Variants in SPANXN4 observed in about 807,000 individuals in gnomAD.
The protein encoded by SPANXN4 is SPANX family member N4, also known as sperm protein associated with the nucleus on the X chromosome N4.
A neutral mutation model predicts 6.0 loss-of-function variants in SPANXN4; 5 were observed. The ratio of observed to expected loss-of-function variants is 0.83; its 90% CI spans 0.44 to 1.75. SPANXN4 has a LOEUF of 1.75. Among genes scored for constraint, SPANXN4 ranks in the 40% most tolerant of loss-of-function variants. SPANXN4 has a pLI of 0.02. For missense variants in SPANXN4, 157 were observed against 108.6 expected (o/e 1.45, Z -1.98); for synonymous variants, 45 against 38.0 (o/e 1.19, Z -0.68).
intron 1 of SPANXN4, among the ~76,000 whole-genome samples, chrX:143,033,228 G>T (rs989749316): frequency 9.0e-6 from 1 of 110,950 alleles, no homozygotes; most frequent in African/African-American, 3.3e-5. Flanking sequence ...GTCAGCCCAG[G>T]ACTGGAGAAA....
intron 1 of SPANXN4, among the ~76,000 whole-genome samples, chrX:143,032,199 G>A (rs2124367512): frequency 1.2e-5 from 1 of 84,225 alleles, no homozygotes; most frequent in African/African-American, 4.0e-5. Context: ...AAAGAGATGG[G>A]ATCCTTGGAT....
intron 2 of SPANXN4, chrX:143,034,298 G>A: frequency 9.1e-7 from 1 of 1,100,644 alleles, no homozygotes. Flanking sequence ...AATAAAATCA[G>A]TTTGAGGAGC....
chrX:143,028,483 G>A (rs1328569992), intron 1 of SPANXN4, among the ~76,000 whole-genome samples: 1 of 110,916 alleles, frequency 9.0e-6, no homozygotes, highest in African/African-American at 3.3e-5. Context: ...GATTAGGGGA[G>A]GTAAGGAATA....
At chrX:143,037,820 C>T (rs777266063), downstream of SPANXN4, among the ~76,000 whole-genome samples, 349 of 111,321 alleles carry the variant, frequency 3.1e-3, 1 homozygote, top group African/African-American at 0.011. Context: ...CTCCTGCATT[C>T]GTTCTCCTTT....
chrX:143,026,152 G>A (rs751525942), intron 1 of SPANXN4, 60 bp downstream of exon 1: 130 of 1,049,863 alleles, frequency 1.2e-4, no homozygotes, highest in Non-Finnish European at 1.5e-4. Context: ...CAGATAGGGC[G>A]CGGGTCAAAC....
intron 2 of SPANXN4, chrX:143,034,251 A>G (rs200969674): frequency 1.7e-6 from 2 of 1,155,341 alleles, no homozygotes; most frequent in Non-Finnish European, 2.3e-6. Flanking sequence ...AATTAGTCCA[A>G]ATTGGACAAA....
chrX:143,032,088 T>G (rs1020161889), intron 1 of SPANXN4, among the ~76,000 whole-genome samples: 4 of 112,108 alleles, frequency 3.6e-5, no homozygotes, highest in Admixed American at 2.8e-4. Flanking sequence ...GCCATCCAGA[T>G]GCATTCCCTG....
At chrX:143,030,359 A>G (rs1932803075) in intron 1 of SPANXN4, among the ~76,000 whole-genome samples, 1 of 111,110 alleles carries the variant, frequency 9.0e-6, no homozygotes, top group Admixed American at 9.5e-5. Context: ...GACATCCTCA[A>G]TTATGGAGGA....
At chrX:143,034,880 A>G (rs1488547675), downstream of SPANXN4, among the ~76,000 whole-genome samples, 1 of 110,607 alleles carries the variant, frequency 9.0e-6, no homozygotes, top group East Asian at 2.9e-4. Flanking sequence ...TGCAGGCAAC[A>G]AACAGAAGCA....
At chrX:143,027,191 G>A (rs774886153) in intron 1 of SPANXN4, among the ~76,000 whole-genome samples, 12 of 112,226 alleles carry the variant, frequency 1.1e-4, no homozygotes, top group East Asian at 8.5e-4. Flanking sequence ...TAACTTTTAT[G>A]CTTTTCCAAG....
chrX:143,027,766 T>C (rs1384392931), intron 1 of SPANXN4, among the ~76,000 whole-genome samples: 1 of 108,004 alleles, frequency 9.3e-6, no homozygotes, highest in African/African-American at 3.4e-5. Context: ...TAAGAGGCAA[T>C]GTGTTAGGCT....
intron 1 of SPANXN4, among the ~76,000 whole-genome samples, chrX:143,030,660 A>G (rs1227404117): frequency 9.0e-6 from 1 of 111,297 alleles, no homozygotes; most frequent in African/African-American, 3.3e-5. Context: ...TTTTAGATCC[A>G]ATTCAGAGAA....
At chrX:143,034,296 C>G in intron 2 of SPANXN4, 3 of 1,096,191 alleles carry the variant, frequency 2.7e-6, no homozygotes, top group Non-Finnish European at 3.7e-6. Flanking sequence ...ACAATAAAAT[C>G]AGTTTGAGGA....
intron 1 of SPANXN4, among the ~76,000 whole-genome samples, chrX:143,029,753 TCA>T (rs1932798608): frequency 9.0e-6 from 1 of 111,105 alleles, no homozygotes; most frequent in African/African-American, 3.3e-5. Context: ...TGGAAGGGAT[TCA>T]CAGTTTATGA....
intron 1 of SPANXN4, among the ~76,000 whole-genome samples, chrX:143,031,919 A>T (rs770803196): frequency 8.9e-6 from 1 of 111,853 alleles, no homozygotes; most frequent in East Asian, 2.8e-4. Flanking sequence ...AGCTTTATTT[A>T]TGCCAGCTAG....
rs202128194 is a variant in SPANXN4 at position 143,034,095 on chromosome X, C to A, written c.146C>A (p.Pro49Gln). Reference sequence around the variant, plus strand: ...AAAGAGACAGAAAAAGCAAAATATCCAACATTAGTGTTTTACTGCAGGAAG... The same window carrying A: ...AAAGAGACAGAAAAAGCAAAATATCAAACATTAGTGTTTTACTGCAGGAAG... The change falls in exon 2 of 3, where the codon CCA (proline) becomes CAA (glutamine). Residue 49 changes from proline (P) to glutamine (Q), a missense_variant. Transcript: ENST00000370504. 2.2e-5 allele frequency: 26 copies of A among 1,177,977 alleles called. No individual in the cohort carries two copies. The East Asian group carries it at 8.2e-4, about 37-fold the overall frequency.
At chrX:143,031,405 AG>A (rs1443749794) in intron 1 of SPANXN4, among the ~76,000 whole-genome samples, 4 of 110,821 alleles carry the variant, frequency 3.6e-5, no homozygotes, top group Admixed American at 2.9e-4. Context: ...TGATGGTGGT[AG>A]GGGGGTGGGG....
At chrX:143,025,957 T>A (rs1401599610) in exon 1 of SPANXN4, 5 of 1,110,146 alleles carry the variant, frequency 4.5e-6, no homozygotes, top group Non-Finnish European at 6.1e-6. Context: ...TCAATACAGC[T>A]GTGGAAATCT....
chrX:143,031,943 G>A (rs965344735), intron 1 of SPANXN4, among the ~76,000 whole-genome samples: 1 of 111,779 alleles, frequency 8.9e-6, no homozygotes, highest in African/African-American at 3.2e-5. Flanking sequence ...GCATGATATC[G>A]TATGGCCTTG....
Sources: gnomAD v4.1 joint callset for allele counts (sites outside exome capture counted in the v4.1 genomes callset) on GRCh38, gnomAD v4.1.1 for gene constraint, MANE v1.5 for transcripts, NCBI Gene and HGNC (gene_info 2026-07-23, HGNC 2026-07-21) for gene names.